Variants in SURF1 observed in about 807,000 individuals in gnomAD.
The protein encoded by SURF1 is surfeit locus protein 1.
Under a neutral mutation model 34.1 loss-of-function variants are expected in SURF1, and 45 were observed. The ratio of observed to expected loss-of-function variants is 1.32; its 90% CI spans 1.04 to 1.69. The LOEUF (loss-of-function observed/expected upper bound fraction) is 1.69, where lower values mean the gene tolerates loss of function less well. Among genes scored for constraint, SURF1 ranks in the 40% most tolerant of loss-of-function variants. The pLI, the probability that SURF1 is intolerant of heterozygous loss-of-function variation, is 0.00. For synonymous variants in SURF1, 188 were observed against 147.5 expected, an observed-to-expected ratio of 1.27 and a Z score of -1.99; for missense variants, 456 against 384.6, an observed-to-expected ratio of 1.19 and a Z score of -1.55.
Position 133,352,867 on chromosome 9 carries a change from G to A in SURF1, c.516-101C>T, listed in dbSNP as rs1328934896. The A allele has an allele frequency of 3.0e-6, 4 of 1,330,888 alleles. No homozygotes were observed. In the South Asian group the frequency reaches 5.0e-5, roughly 17 times the overall value. The allele number at this position is 1,330,888 out of a possible 1,614,324, so 82.4% of individuals were successfully genotyped here. A position where few individuals can be genotyped will look rare whatever the true frequency, so the allele number is the denominator to read the frequency against. On this transcript the variant is annotated intron_variant, in intron 5 of 8. Transcript: ENST00000371974. Reference sequence around the variant, plus strand: ...CCATAGGAACAACTAGAGCACCAAGGAAGGCTTTTAAAACAGGGCTGGCTC... The same window carrying A: ...CCATAGGAACAACTAGAGCACCAAGAAAGGCTTTTAAAACAGGGCTGGCTC...
At position 133,352,156 on chromosome 9, in the gene SURF1, A is replaced by G. The variant is rs781967602; in HGVS notation, c.752-14T>C. ...GGACTGTGCTCTCTGTGGAGACAGC[A>G]GACTCAAGTCCACCCCCTACTGGCC... is the stretch of plus-strand genomic sequence containing the variant. On this transcript the variant is annotated splice_polypyrimidine_tract_variant and intron_variant, in intron 7 of 8. Coordinates refer to ENST00000371974, the MANE Select transcript of SURF1 (RefSeq NM_003172.4). The G allele has an allele frequency of 2.5e-6, 4 of 1,584,644 alleles. No homozygotes were observed. Among genetic ancestry groups the G allele is most frequent in the Admixed American group, 3.6e-5 (2 of 55,606 alleles).
At position 133,352,445 on chromosome 9, in the gene SURF1, CG is replaced by C. The variant is rs1836450055; in HGVS notation, c.751del (p.Gln251ArgfsTer17). The C allele has an allele frequency of 6.2e-7, 1 of 1,614,216 alleles. No individual in the cohort carries two copies. Among genetic ancestry groups the C allele is most frequent in the Non-Finnish European group, 8.5e-7 (1 of 1,180,042 alleles). Reference sequence around the variant, plus strand: ...CCGAGATGGGCTGGTCCACAACGTACGGAAGTTGGCATCAATGAAGATGGGC... The same window carrying C: ...CCGAGATGGGCTGGTCCACAACGTACGAAGTTGGCATCAATGAAGATGGGC... ...AEPIFIDANF[Q>X]STVPGGPIGG... On this transcript the variant is annotated frameshift_variant and splice_region_variant, in exon 7 of 9. Transcript: ENST00000371974. LOFTEE classifies it high-confidence loss of function.
Position 133,354,906 on chromosome 9 carries a change from G to A in SURF1, c.158C>T (p.Ala53Val), listed in dbSNP as rs1836531143. ...AAAGGAGTCATCTTCCGCTTTTGTG[G>A]CAGATGCTTCTGCTGCAGAACTGCC... ...RCGSSAAEAS[A>V]TKAEDDSFLQ... Residue 53 changes from alanine (A) to valine (V), a missense_variant, in exon 3 of 9, where the codon GCC becomes GTC. By Grantham distance (64) the Ala-to-Val change is moderately conservative (BLOSUM62 0). Transcript: ENST00000371974. 6.2e-7 allele frequency: 1 copy of A among 1,613,908 alleles called. No individual in the cohort carries two copies. The highest frequency in any genetic ancestry group is 8.5e-7 in the Non-Finnish European group (1 of 1,180,036).
rs2130008602 is a variant in SURF1 at position 133,352,623 on chromosome 9, G to A, written c.589-15C>T. 1.9e-6 allele frequency: 3 copies of A among 1,614,004 alleles called. No homozygotes were observed. Among genetic ancestry groups the A allele is most frequent in the Non-Finnish European group, 1.7e-6 (2 of 1,180,004 alleles). On this transcript the variant is annotated splice_polypyrimidine_tract_variant and intron_variant, in intron 6 of 8. Coordinates refer to ENST00000371974, the MANE Select transcript of SURF1 (RefSeq NM_003172.4). ...TCTCCCTCAATCTATAAAGGAAGGT[G>A]TGTGAGATTGCATGGAGCCTGGTGG...
chr9:133,353,395 G>T (rs1836486439), intron 5 of SURF1, among the ~76,000 whole-genome samples: 1 of 152,154 alleles, frequency 6.6e-6, no homozygotes, highest in Admixed American at 6.5e-5. Context: ...CTCCCTCAAG[G>T]TAGGGCTGGG....
Position 133,353,955 on chromosome 9 carries a change from G to T in SURF1, c.324-15C>A, listed in dbSNP as rs2130015705. 6.2e-7 allele frequency: 1 copy of T among 1,613,738 alleles called. No homozygotes were observed. Among genetic ancestry groups the T allele is most frequent in the Admixed American group, 1.7e-5 (1 of 60,034 alleles). On this transcript the variant is annotated splice_polypyrimidine_tract_variant and intron_variant, in intron 4 of 8. Transcript: ENST00000371974. ...GTTCCATTGGGCTGCATGGAGATAA[G>T]AACAGTGGCCGAGCAAGGTTTGGCT... is the stretch of plus-strand genomic sequence containing the variant.
intron 8 of SURF1, 33 bp downstream of exon 8, chr9:133,352,028 G>A (rs2130003731): frequency 2.5e-6 from 4 of 1,612,940 alleles, no homozygotes; most frequent in East Asian, 2.2e-5. Context: ...CTAGGCTGAA[G>A]GGGAGGAAGC....
Position 133,354,871 on chromosome 9 carries a change from C to A in SURF1, c.193G>T (p.Val65Phe). 6.2e-7 allele frequency: 1 copy of A among 1,614,032 alleles called. No individual in the cohort carries two copies. The highest frequency in any genetic ancestry group is 8.5e-7 in the Non-Finnish European group (1 of 1,180,038). Residue 65 changes from valine (V) to phenylalanine (F), a missense_variant, in exon 3 of 9, where the codon GTC becomes TTC. By Grantham distance (50) the Val-to-Phe change is conservative. Transcript: ENST00000371974. ...GCAGTCACAGGGATGAGGAGCAGGA[C>A]CCACTGAAGAAAGGAGTCATCTTCC... is the stretch of plus-strand genomic sequence containing the variant. ...KAEDDSFLQW[V>F]LLLIPVTAFG...
chr9:133,354,748 T>G lies in SURF1; in HGVS notation c.241-7A>C, dbSNP rs2130018273. 45 of 1,613,470 alleles carry G rather than the reference T, an allele frequency of 2.8e-5. No homozygotes were observed. The highest frequency in any genetic ancestry group is 3.6e-5 in the Non-Finnish European group (42 of 1,180,024). ...TCCACTTCCGACGCTGGACCTACAG[T>G]GACAGAGCATAAGGCCAAGCAGATG... On this transcript the variant is annotated splice_polypyrimidine_tract_variant and splice_region_variant and intron_variant, in intron 3 of 8. Coordinates refer to ENST00000371974, the MANE Select transcript of SURF1 (RefSeq NM_003172.4).
chr9:133,353,075 G>C (rs1174478183), intron 5 of SURF1, among the ~76,000 whole-genome samples: 1 of 152,196 alleles, frequency 6.6e-6, no homozygotes, highest in Non-Finnish European at 1.5e-5. Flanking sequence ...CCACGCCAGA[G>C]TTTAGACCCC....
intron 2 of SURF1, chr9:133,356,060 T>C: frequency 1.5e-6 from 1 of 649,210 alleles, no homozygotes; most frequent in South Asian, 1.8e-5. Context: ...ACCTCTCGCG[T>C]TGTGAGGACA....
Position 133,352,536 on chromosome 9 carries a change from T to C in SURF1, c.661A>G (p.Asn221Asp). The C allele has an allele frequency of 9.3e-6, 15 of 1,614,220 alleles. No individual in the cohort carries two copies. The highest frequency in any genetic ancestry group is 1.3e-5 in the Non-Finnish European group (15 of 1,180,040). Reference sequence around the variant, plus strand: ...TAATGCCAGTGGTTCCTTTCTGGATTGTTCTCAGGGACAAAAGGCTGCCTG... The same window carrying C: ...TAATGCCAGTGGTTCCTTTCTGGATCGTTCTCAGGGACAAAAGGCTGCCTG... ...ETRQPFVPEN[N>D]PERNHWHYRD... is the part of the protein sequence containing the mutation. The change falls in exon 7 of 9, where the codon AAT (asparagine) becomes GAT (aspartate). Residue 221 changes from asparagine (N) to aspartate (D), a missense_variant. Coordinates refer to ENST00000371974, the MANE Select transcript of SURF1 (RefSeq NM_003172.4).
chr9:133,352,191 C>T, intron 7 of SURF1, 49 bp from the exon 8 acceptor site: 3 of 1,536,530 alleles, frequency 2.0e-6, no homozygotes, highest in Non-Finnish European at 2.6e-6. Context: ...CTGCCAGCCT[C>T]TGCACCACTT....
chr9:133,352,609 CTA>C lies in SURF1; in HGVS notation c.589-3_589-2del. 3 of 1,614,158 alleles carry C rather than the reference CTA, an allele frequency of 1.9e-6. No homozygotes were observed. The highest frequency in any genetic ancestry group is 1.3e-5 in the African/African-American group (1 of 75,068). ...CAATGAGGTCCACTTCTCCCTCAAT[CTA>C]TAAAGGAAGGTGTGTGAGATTGCAT... On this transcript the variant is annotated splice_acceptor_variant and splice_polypyrimidine_tract_variant and intron_variant, in intron 6 of 8. Coordinates refer to ENST00000371974, the MANE Select transcript of SURF1 (RefSeq NM_003172.4). LOFTEE classifies it high-confidence loss of function.
intron 2 of SURF1, 107 bp from the exon 3 acceptor site, chr9:133,355,064 T>C: frequency 1.4e-6 from 2 of 1,436,986 alleles, no homozygotes; most frequent in Non-Finnish European, 1.9e-6. Context: ...ACCTGCTGCC[T>C]AGAGCCAACT....
At chr9:133,356,061 T>G in intron 2 of SURF1, 1 of 657,572 alleles carries the variant, frequency 1.5e-6, no homozygotes, top group Non-Finnish European at 2.6e-6. Context: ...CCTCTCGCGT[T>G]GTGAGGACAA....
intron 5 of SURF1, among the ~76,000 whole-genome samples, chr9:133,353,023 T>C (rs2130011669): frequency 1.1e-4 from 16 of 152,336 alleles, no homozygotes; most frequent in Non-Finnish European, 2.1e-4. Context: ...CTCTGCTTCT[T>C]GTGGTCTACC....
intron 7 of SURF1, 79 bp downstream of exon 7, chr9:133,352,367 G>A: frequency 1.9e-6 from 3 of 1,601,830 alleles, no homozygotes; most frequent in Middle Eastern, 1.7e-4. Context: ...CCACAGTAGT[G>A]ACTGGGCAAT....
chr9:133,351,971 G>C lies in SURF1; in HGVS notation c.845C>G (p.Ser282Cys), dbSNP rs2130003159. The change falls in exon 9 of 9, where the codon TCT (serine) becomes TGT (cysteine). Residue 282 changes from serine to cysteine, a missense_variant. By Grantham distance (112) the Ser-to-Cys change is moderately radical. Coordinates refer to ENST00000371974, the MANE Select transcript of SURF1 (RefSeq NM_003172.4). The part of the protein sequence containing the change: ...LQYIVTWYGL[S>C]AATSYLWFKK... Reference sequence around the variant, plus strand: ...AAACCACAGGTAGGATGTAGCTGCAGAGAGTCCATACCTAGGGGTTGAAAG... The same window carrying C: ...AAACCACAGGTAGGATGTAGCTGCACAGAGTCCATACCTAGGGGTTGAAAG... 4 of 1,613,640 alleles carry C rather than the reference G, an allele frequency of 2.5e-6. No homozygotes were observed. The highest frequency in any genetic ancestry group is 1.7e-5 in the Admixed American group (1 of 59,978).
Sources: gnomAD v4.1 joint callset for allele counts (sites outside exome capture counted in the v4.1 genomes callset) on GRCh38, gnomAD v4.1.1 for gene constraint, MANE v1.5 for transcripts, NCBI Gene and HGNC (gene_info 2026-07-23, HGNC 2026-07-21) for gene names.